Variants in ZNRF3 observed in about 807,000 individuals in gnomAD.
ZNRF3 encodes the protein zinc and ring finger 3.
ZNRF3 carries 23 observed loss-of-function variants against 72.5 expected under a neutral mutation model. That is an observed-to-expected ratio of 0.32 (90% CI 0.23 to 0.45). The LOEUF (loss-of-function observed/expected upper bound fraction) is 0.45, where lower values mean the gene tolerates loss of function less well. ZNRF3 is among the 20% of genes least tolerant of loss of function. The pLI is 1.00. For synonymous variants in ZNRF3, 610 were observed against 545.3 expected, an observed-to-expected ratio of 1.12 and a Z score of -1.65; for missense variants, 1,169 against 1,272.1, an observed-to-expected ratio of 0.92 and a Z score of 1.23.
chr22:28,883,719 G>T lies in ZNRF3; in HGVS notation c.-48G>T. 1 of 982,812 alleles carries T rather than the reference G, an allele frequency of 1.0e-6. No individual in the cohort carries two copies. The highest frequency in any genetic ancestry group is 4.5e-5 in the South Asian group (1 of 21,990). The allele number at this position is 982,812 out of a possible 1,614,324, so 60.9% of individuals were successfully genotyped here. Reference sequence around the variant, plus strand: ...CGCGTTCGGTCCTCAGCCGGCCCGCGACTATGCCCGGCCGCGCCCGCCCTC... The same window carrying T: ...CGCGTTCGGTCCTCAGCCGGCCCGCTACTATGCCCGGCCGCGCCCGCCCTC... On this transcript the variant is annotated 5_prime_UTR_variant, in exon 1 of 9. Coordinates refer to ENST00000544604, the MANE Select transcript of ZNRF3 (RefSeq NM_001206998.2). The surrounding 1 kb of genome is among the most constrained non-coding windows in gnomAD (Gnocchi z 5.5).
chr22:28,944,610 C>T (rs1309435898), intron 1 of ZNRF3, among the ~76,000 whole-genome samples: 1 of 152,082 alleles, frequency 6.6e-6, no homozygotes, highest in Non-Finnish European at 1.5e-5. Context: ...TAAAAATTAG[C>T]CGGGCGTGGT....
At chr22:28,953,024 G>T (rs949576526) in intron 1 of ZNRF3, among the ~76,000 whole-genome samples, 1 of 152,120 alleles carries the variant, frequency 6.6e-6, no homozygotes, top group Admixed American at 6.6e-5. Flanking sequence ...TCTTCTTTGG[G>T]TATCTTCCCA....
rs572088949 is a variant in ZNRF3 at position 28,898,320 on chromosome 22, T to G, written c.300+14254T>G. Among the ~76,000 whole-genome samples the G allele has an allele frequency of 9.1e-4, 139 of 152,308 alleles. 2 individuals are homozygous for G. The South Asian group carries it at 0.023, about 26-fold the overall frequency. On this transcript the variant is annotated intron_variant, in intron 1 of 8. Transcript: ENST00000544604. ...TTGCAAGCAGCTTTCAGACATGGTGTGTCCTGATTATTCCAAATAGTTGGG... is the reference window on the plus strand; with the variant it reads ...TTGCAAGCAGCTTTCAGACATGGTGGGTCCTGATTATTCCAAATAGTTGGG...
chr22:29,040,231 G>T (rs1338592338), intron 2 of ZNRF3, among the ~76,000 whole-genome samples: 2 of 151,808 alleles, frequency 1.3e-5, no homozygotes, highest in African/African-American at 4.8e-5. Flanking sequence ...CCAGGCTGGA[G>T]TGCCGTGGTG....
At chr22:28,947,048 T>C (rs1194815008) in intron 1 of ZNRF3, among the ~76,000 whole-genome samples, 2 of 152,322 alleles carry the variant, frequency 1.3e-5, no homozygotes, top group Admixed American at 6.5e-5. Context: ...TGCACTTCTA[T>C]TGGGCTCATC....
chr22:28,994,188 T>C lies in ZNRF3; in HGVS notation c.426+6987T>C, dbSNP rs1464178534. On this transcript the variant is annotated intron_variant, in intron 2 of 8. Transcript: ENST00000544604. ...CTTCAGTTCCTTTCTTTTTTTTTTT[T>C]TTTTTTTTTTTTTTTGAGATGGAAT... Among the ~76,000 whole-genome samples, 98 of 114,502 alleles carry C rather than the reference T, an allele frequency of 8.6e-4. 1 individual carries two copies. The highest frequency in any genetic ancestry group is 3.3e-3 in the African/African-American group (96 of 28,782). The allele number at this position is 114,502 out of a possible 152,430, so 75.1% of individuals were successfully genotyped here. A position where few individuals can be genotyped will look rare whatever the true frequency, so the allele number is the denominator to read the frequency against.
intron 2 of ZNRF3, among the ~76,000 whole-genome samples, chr22:28,990,705 A>C (rs1311143727): frequency 6.6e-6 from 1 of 152,034 alleles, no homozygotes; most frequent in Non-Finnish European, 1.5e-5. Context: ...TCAGTCAATC[A>C]ATGTAAGGGT....
At chr22:28,982,230 A>T (rs2035776432) in intron 1 of ZNRF3, among the ~76,000 whole-genome samples, 1 of 152,168 alleles carries the variant, frequency 6.6e-6, no homozygotes, top group South Asian at 2.1e-4. Flanking sequence ...ACTTATTTAC[A>T]TAGTTTAGTC....
chr22:28,907,761 C>T (rs1054279096), intron 1 of ZNRF3, among the ~76,000 whole-genome samples: 4 of 152,194 alleles, frequency 2.6e-5, no homozygotes. Context: ...TTTTTCCCTG[C>T]CCACAGCGCA....
At chr22:29,019,364 G>A (rs1183644916) in intron 2 of ZNRF3, among the ~76,000 whole-genome samples, 6 of 152,102 alleles carry the variant, frequency 3.9e-5, no homozygotes, top group African/African-American at 1.4e-4. Flanking sequence ...TTGATTCTTT[G>A]TGTCAATCAT....
In ZNRF3 at chr22:29,043,448, TTGGCA is replaced by T; in HGVS notation, c.633+19_633+23del. ...CTCCTCGAGTGAGCCTCCGCACCAT[TTGGCA>T]CAGGCTCGGGGCCTTCTCTGCTACT... On this transcript the variant is annotated intron_variant, in intron 4 of 8. Coordinates refer to ENST00000544604, the MANE Select transcript of ZNRF3 (RefSeq NM_001206998.2). 1 of 1,612,512 alleles carries T rather than the reference TTGGCA, an allele frequency of 6.2e-7. No homozygotes were observed. Among genetic ancestry groups the T allele is most frequent in the South Asian group, 1.1e-5 (1 of 90,970 alleles).
intron 1 of ZNRF3, among the ~76,000 whole-genome samples, chr22:28,926,331 A>C (rs1485574063): frequency 6.6e-6 from 1 of 151,910 alleles, no homozygotes; most frequent in Non-Finnish European, 1.5e-5. Context: ...TCTAAACAGT[A>C]TTTTGTTTCT....
chr22:28,887,220 A>G (rs1459289300), intron 1 of ZNRF3, among the ~76,000 whole-genome samples: 2 of 147,966 alleles, frequency 1.4e-5, no homozygotes, highest in African/African-American at 2.5e-5. Flanking sequence ...TATGCCAACG[A>G]AGAGAGAGAG....
chr22:29,037,998 G>A (rs147608705), intron 2 of ZNRF3, among the ~76,000 whole-genome samples: 9 of 152,234 alleles, frequency 5.9e-5, no homozygotes, highest in Admixed American at 1.3e-4. Flanking sequence ...TAGGGATAAC[G>A]GCCCTCTCCA....
rs185459862 is a variant in ZNRF3, at chr22:29,039,127, C to T, written c.427-3368C>T. On this transcript the variant is annotated intron_variant, in intron 2 of 8. Coordinates refer to ENST00000544604, the MANE Select transcript of ZNRF3 (RefSeq NM_001206998.2). Reference sequence around the variant, plus strand: ...AAACCAGGAAACATATCACCATGTCCTAGATTTTGTGAAAAACGTCTTTTG... The same window carrying T: ...AAACCAGGAAACATATCACCATGTCTTAGATTTTGTGAAAAACGTCTTTTG... Among the ~76,000 whole-genome samples, 66 of 152,304 alleles carry T rather than the reference C, an allele frequency of 4.3e-4. No individual in the cohort carries two copies. The South Asian group carries it at 6.8e-3, about 16-fold the overall frequency.
chr22:28,933,648 C>T (rs964764645), intron 1 of ZNRF3, among the ~76,000 whole-genome samples: 6 of 151,994 alleles, frequency 3.9e-5, no homozygotes, highest in Admixed American at 1.3e-4. Flanking sequence ...TCCAAAGAAA[C>T]TCTGGCCTTG....
At chr22:29,011,547 A>T (rs2036348025) in intron 2 of ZNRF3, among the ~76,000 whole-genome samples, 1 of 152,256 alleles carries the variant, frequency 6.6e-6, no homozygotes, top group Non-Finnish European at 1.5e-5. Context: ...AAAAAAATTT[A>T]AAAAATAAAA....
At chr22:28,935,863 A>T (rs915796937) in intron 1 of ZNRF3, among the ~76,000 whole-genome samples, 7 of 152,280 alleles carry the variant, frequency 4.6e-5, no homozygotes, top group African/African-American at 1.7e-4. Context: ...CCACTAACTC[A>T]GAGGGTGGGG....
intron 1 of ZNRF3, among the ~76,000 whole-genome samples, chr22:28,887,220 AAG>A (rs67943780): frequency 1.4e-3 from 203 of 148,034 alleles, no homozygotes; most frequent in African/African-American, 3.9e-3. Flanking sequence ...TATGCCAACG[AAG>A]AGAGAGAGAG....
Sources: allele counts gnomAD v4.1 joint callset (sites outside exome capture counted in the v4.1 genomes callset), GRCh38; gene constraint gnomAD v4.1.1; non-coding constraint Gnocchi (gnomAD v3.1); transcripts MANE v1.5; gene names NCBI Gene and HGNC (gene_info 2026-07-23, HGNC 2026-07-21).